The following LRP1B variants were observed in gnomAD, a reference collection of about 807,000 sequenced individuals.
LRP1B encodes the protein LDL receptor related protein 1B.
Under a neutral mutation model 556.6 loss-of-function variants are expected in LRP1B, and 217 were observed. The observed-to-expected ratio is 0.39, with a 90% confidence interval of 0.35 to 0.44. The LOEUF is 0.44. Among genes scored for constraint, LRP1B ranks in the 20% least tolerant of loss-of-function variants. The pLI is 1.00. For missense variants in LRP1B, 5,053 were observed against 5,620.8 expected (o/e 0.90, Z 3.23); for synonymous variants, 2,047 against 1,865.8 (o/e 1.10, Z -2.50).
Position 142,034,428 on chromosome 2 carries a change from C to T in LRP1B, c.82+96220G>A, listed in dbSNP as rs865795978. The stretch of plus-strand genomic sequence containing the variant: ...TGCTGTGGGAACATACATGTGTTTG[C>T]TTGCACTGTTCCCTCTGCACATAAT... On this transcript the variant is annotated intron_variant, in intron 1 of 90. Transcript: ENST00000389484. Among the ~76,000 whole-genome samples the T allele has an allele frequency of 4.6e-5, 7 of 151,822 alleles. No homozygotes were observed. The Middle Eastern group carries it at 0.01, about 221-fold the overall frequency.
chr2:140,790,135 C>T (rs1314470792), intron 32 of LRP1B, among the ~76,000 whole-genome samples: 1 of 152,090 alleles, frequency 6.6e-6, no homozygotes, highest in Non-Finnish European at 1.5e-5. Flanking sequence ...CTTCCTCAAC[C>T]AAATGCAACC....
At chr2:140,769,117 G>T (rs1288344673) in intron 35 of LRP1B, 96 bp downstream of exon 35, 2 of 1,105,898 alleles carry the variant, frequency 1.8e-6, no homozygotes, top group South Asian at 1.4e-5. Flanking sequence ...TTCTCATCTT[G>T]ACTATTAAAG....
chr2:141,055,802 ATGTGTGTGTG>A (rs10664722), intron 9 of LRP1B, among the ~76,000 whole-genome samples: 16 of 145,438 alleles, frequency 1.1e-4, no homozygotes, highest in Admixed American at 2.1e-4. Context: ...TTACCACAAA[ATGTGTGTGTG>A]TGTGTGTGTG....
At chr2:140,646,237 C>T (rs1035398500) in intron 41 of LRP1B, among the ~76,000 whole-genome samples, 7 of 152,250 alleles carry the variant, frequency 4.6e-5, no homozygotes, top group Admixed American at 3.3e-4. Flanking sequence ...GATTTAAGCT[C>T]ATCATGATAA....
intron 2 of LRP1B, among the ~76,000 whole-genome samples, chr2:141,757,314 G>C (rs1694358650): frequency 6.6e-6 from 1 of 152,026 alleles, no homozygotes; most frequent in African/African-American, 2.4e-5. Context: ...ATTCTGACTG[G>C]TTCCCTTATT....
At chr2:141,741,277 T>TTG (rs1349596804) in intron 2 of LRP1B, among the ~76,000 whole-genome samples, 1 of 143,092 alleles carries the variant, frequency 7.0e-6, no homozygotes, top group African/African-American at 2.6e-5. Context: ...TTTTTTTTTT[T>TTG]TTTTTTTTTT....
chr2:140,767,773 C>G (rs553985400), intron 35 of LRP1B, among the ~76,000 whole-genome samples: 1 of 151,620 alleles, frequency 6.6e-6, no homozygotes, highest in Non-Finnish European at 1.5e-5. Context: ...CAAATATTTT[C>G]AAAAATCATT....
chr2:141,069,608 G>A (rs1699578925), intron 7 of LRP1B, among the ~76,000 whole-genome samples: 1 of 151,922 alleles, frequency 6.6e-6, no homozygotes, highest in Admixed American at 6.6e-5. Flanking sequence ...CTTGGTTTAT[G>A]CCCACTTGCT....
rs76162632 is a variant in LRP1B, at chr2:141,393,087, G to A, written c.343+87309C>T. 7.5e-3 allele frequency among the ~76,000 whole-genome samples: 1,136 copies of A among 152,198 alleles called. 14 individuals are homozygous for A. The highest frequency in any genetic ancestry group is 0.026 in the African/African-American group (1,094 of 41,542). On this transcript the variant is annotated intron_variant, in intron 3 of 90. Coordinates refer to ENST00000389484, the MANE Select transcript of LRP1B (RefSeq NM_018557.3). ...AGGATTCTGTGGAGCACCCATATTG[G>A]ATGGCCAAACACTAGACAAGATTAT...
At chr2:140,448,206 C>A (rs1432589840) in intron 63 of LRP1B, among the ~76,000 whole-genome samples, 1 of 151,996 alleles carries the variant, frequency 6.6e-6, no homozygotes, top group Non-Finnish European at 1.5e-5. Context: ...GTGAAAAATA[C>A]AATATCTGCA....
chr2:140,789,670 G>A (rs527376012), intron 32 of LRP1B, among the ~76,000 whole-genome samples: 24 of 112,812 alleles, frequency 2.1e-4, no homozygotes, highest in Non-Finnish European at 2.8e-4. Flanking sequence ...TCGCTCTGTC[G>A]CCCAGGCTGG....
chr2:140,326,534 G>GTGAAACCCTGT (rs1377186130), intron 79 of LRP1B, among the ~76,000 whole-genome samples: 1 of 151,890 alleles, frequency 6.6e-6, no homozygotes, highest in Admixed American at 6.6e-5. Flanking sequence ...GGCCAACATG[G>GTGAAACCCTGT]TGAAACCCTG....
At chr2:141,893,291 C>T (rs1053565596) in intron 1 of LRP1B, among the ~76,000 whole-genome samples, 1 of 152,284 alleles carries the variant, frequency 6.6e-6, no homozygotes, top group Non-Finnish European at 1.5e-5. Flanking sequence ...ACCTCCACCT[C>T]CCGGATTCAG....
intron 88 of LRP1B, among the ~76,000 whole-genome samples, chr2:140,239,221 G>A (rs756753381): frequency 3.3e-5 from 5 of 150,730 alleles, no homozygotes; most frequent in Non-Finnish European, 6.0e-5. Flanking sequence ...TGTCAGTTTT[G>A]CTAGAATATA....
intron 32 of LRP1B, among the ~76,000 whole-genome samples, chr2:140,811,959 A>AC: frequency 6.6e-6 from 1 of 152,204 alleles, no homozygotes; most frequent in Admixed American, 6.5e-5. Context: ...CTTAAATACA[A>AC]GATGATTTCT....
At chr2:141,612,995 G>A (rs553430061) in intron 2 of LRP1B, among the ~76,000 whole-genome samples, 1 of 151,396 alleles carries the variant, frequency 6.6e-6, no homozygotes, top group East Asian at 1.9e-4. Context: ...ATTTTCAGTA[G>A]AGATGGGGTT....
chr2:141,576,828 TA>T (rs77579382), intron 2 of LRP1B, among the ~76,000 whole-genome samples: 3,268 of 146,070 alleles, frequency 0.022, 99 homozygotes, highest in African/African-American at 0.068. Context: ...TTTTTTTTTT[TA>T]AATTTTTTTG....
At chr2:141,166,608 A>G (rs1680274061) in intron 7 of LRP1B, among the ~76,000 whole-genome samples, 1 of 151,742 alleles carries the variant, frequency 6.6e-6, no homozygotes, top group African/African-American at 2.4e-5. Context: ...CTGGTGTGCT[A>G]TCAAATACTA....
At chr2:141,632,952 C>G (rs757181815) in intron 2 of LRP1B, among the ~76,000 whole-genome samples, 1 of 151,334 alleles carries the variant, frequency 6.6e-6, no homozygotes, top group Non-Finnish European at 1.5e-5. Context: ...AGGATTATAG[C>G]CTAAACTATT....
Sources: allele counts gnomAD v4.1 joint callset (sites outside exome capture counted in the v4.1 genomes callset), GRCh38; gene constraint gnomAD v4.1.1; transcripts MANE v1.5; gene names NCBI Gene and HGNC (gene_info 2026-07-23, HGNC 2026-07-21).